CFAP299: variants seen among roughly 807,000 people sequenced by gnomAD.
CFAP299 encodes cilia and flagella associated protein 299, also known as cilia- and flagella-associated protein 299.
A neutral mutation model predicts 27.0 loss-of-function variants in CFAP299; 21 were observed. The observed-to-expected ratio is 0.78, with a 90% confidence interval of 0.55 to 1.12. CFAP299 has a LOEUF of 1.12. Among genes scored for constraint, CFAP299 ranks in the 50% most tolerant of loss-of-function variants. The pLI, the probability that CFAP299 is intolerant of heterozygous loss-of-function variation, is 0.00. For synonymous variants in CFAP299, 104 were observed against 98.1 expected (o/e 1.06, Z -0.36); for missense variants, 310 against 276.6 (o/e 1.12, Z -0.86).
At chr4:80,875,458 G>A (rs1037919724) in intron 4 of CFAP299, among the ~76,000 whole-genome samples, 4 of 151,998 alleles carry the variant, frequency 2.6e-5, no homozygotes, top group East Asian at 1.9e-4. Flanking sequence ...TCAAGAGTTC[G>A]AGACCACCCT....
chr4:80,775,691 G>T (rs548615608), intron 3 of CFAP299, among the ~76,000 whole-genome samples: 8 of 151,944 alleles, frequency 5.3e-5, no homozygotes, highest in Admixed American at 2.0e-4. Context: ...TTGTAAAAAG[G>T]CTTAAAATCT....
chr4:80,944,683 A>G, intron 4 of CFAP299, 127 bp from the exon 5 acceptor site: 1 of 661,536 alleles, frequency 1.5e-6, no homozygotes, highest in Non-Finnish European at 2.6e-6. Flanking sequence ...AATGTGTTCT[A>G]CATGGTTGTA....
chr4:80,909,848 C>T (rs913367889), intron 4 of CFAP299, among the ~76,000 whole-genome samples: 5 of 152,006 alleles, frequency 3.3e-5, no homozygotes, highest in Non-Finnish European at 7.4e-5. Flanking sequence ...CTGAAACAAG[C>T]TTGCAACAAA....
At chr4:80,677,096 C>A (rs935570324) in intron 3 of CFAP299, among the ~76,000 whole-genome samples, 1 of 151,590 alleles carries the variant, frequency 6.6e-6, no homozygotes, top group African/African-American at 2.4e-5. Flanking sequence ...TATAAACTTC[C>A]CTCTTAGCAC....
intron 3 of CFAP299, among the ~76,000 whole-genome samples, chr4:80,770,482 T>C (rs1190235068): frequency 2.0e-5 from 3 of 152,188 alleles, no homozygotes; most frequent in African/African-American, 7.2e-5. Context: ...CATTCTGCCA[T>C]TACATAACAG....
chr4:80,399,622 A>G (rs528821688), intron 2 of CFAP299, among the ~76,000 whole-genome samples: 18 of 147,672 alleles, frequency 1.2e-4, no homozygotes, highest in Admixed American at 1.1e-3. Flanking sequence ...GTTCTCACTC[A>G]TAGGTGGGAA....
chr4:80,786,063 C>T (rs1301430101), intron 3 of CFAP299, among the ~76,000 whole-genome samples: 2 of 152,038 alleles, frequency 1.3e-5, no homozygotes, highest in Non-Finnish European at 2.9e-5. Flanking sequence ...AGAAATCTTG[C>T]AATTTGAAAT....
chr4:80,691,609 A>G (rs1164838873), intron 3 of CFAP299, among the ~76,000 whole-genome samples: 1 of 151,372 alleles, frequency 6.6e-6, no homozygotes, highest in Non-Finnish European at 1.5e-5. Flanking sequence ...CAAAAACTGG[A>G]AGCATTCCCT....
intron 2 of CFAP299, among the ~76,000 whole-genome samples, chr4:80,453,207 A>T (rs1728981797): frequency 6.6e-6 from 1 of 152,162 alleles, no homozygotes; most frequent in African/African-American, 2.4e-5. Flanking sequence ...TTTATATTTA[A>T]GGAAAGTTTT....
At chr4:80,725,598 CT>C (rs1578062475) in intron 3 of CFAP299, among the ~76,000 whole-genome samples, 1 of 152,176 alleles carries the variant, frequency 6.6e-6, no homozygotes, top group East Asian at 1.9e-4. Flanking sequence ...CAGATTCTTT[CT>C]CTTCACAGGT....
At chr4:80,910,644 G>A (rs1262545791) in intron 4 of CFAP299, among the ~76,000 whole-genome samples, 2 of 152,020 alleles carry the variant, frequency 1.3e-5, no homozygotes, top group Non-Finnish European at 2.9e-5. Flanking sequence ...GACACAAAGA[G>A]GACAACAATA....
intron 3 of CFAP299, among the ~76,000 whole-genome samples, chr4:80,621,003 C>T (rs999731634): frequency 2.6e-5 from 4 of 152,072 alleles, no homozygotes; most frequent in African/African-American, 9.7e-5. Flanking sequence ...ACTTACCTAA[C>T]AGCCTATCTT....
At chr4:80,642,638 C>A (rs1220810370) in intron 3 of CFAP299, among the ~76,000 whole-genome samples, 1 of 152,028 alleles carries the variant, frequency 6.6e-6, no homozygotes, top group South Asian at 2.1e-4. Context: ...GTGGCACGTG[C>A]CTATAGTCCC....
intron 3 of CFAP299, among the ~76,000 whole-genome samples, chr4:80,590,650 A>C (rs1470424564): frequency 2.6e-5 from 4 of 152,194 alleles, no homozygotes; most frequent in Non-Finnish European, 4.4e-5. Flanking sequence ...AAAACAAAAC[A>C]AAACCATGCA....
intron 2 of CFAP299, among the ~76,000 whole-genome samples, chr4:80,559,524 G>A (rs1466969561): frequency 6.6e-6 from 1 of 152,078 alleles, no homozygotes; most frequent in Admixed American, 6.6e-5. Flanking sequence ...AAAATCATGT[G>A]AGCCCTCAGT....
chr4:80,605,170 A>C lies in CFAP299; in HGVS notation c.333+21987A>C, dbSNP rs79669223. ...GTTATTTGTAATTCTACTTGCAGTC[A>C]TGCTGAAATAATTTATTCATATTTT... is the stretch of plus-strand genomic sequence containing the variant. On this transcript the variant is annotated intron_variant, in intron 3 of 5. Transcript: ENST00000358105. 5.8e-3 allele frequency among the ~76,000 whole-genome samples: 883 copies of C among 152,316 alleles called. 7 individuals carry two copies. The highest frequency in any genetic ancestry group is 0.02 in the African/African-American group (824 of 41,570).
chr4:80,558,358 G>GTTTTTTTTTTTTT (rs1174909337), intron 2 of CFAP299, among the ~76,000 whole-genome samples: 1 of 121,680 alleles, frequency 8.2e-6, no homozygotes, highest in African/African-American at 3.3e-5. Context: ...TTGTTTGTTT[G>GTTTTTTTTTTTTT]TTTGTTTGTT....
chr4:80,595,025 G>C (rs1736990318), intron 3 of CFAP299, among the ~76,000 whole-genome samples: 1 of 152,034 alleles, frequency 6.6e-6, no homozygotes, highest in South Asian at 2.1e-4. Flanking sequence ...TTCTCCCCAG[G>C]GACTTAGTTC....
At chr4:80,835,257 G>A (rs140458024) in intron 3 of CFAP299, among the ~76,000 whole-genome samples, 3 of 151,874 alleles carry the variant, frequency 2.0e-5, no homozygotes, top group Admixed American at 6.6e-5. Flanking sequence ...CCGTCACCAC[G>A]CCTGGCTAAT....
Sources: gnomAD v4.1 joint callset for allele counts (sites outside exome capture counted in the v4.1 genomes callset) on GRCh38, gnomAD v4.1.1 for gene constraint, MANE v1.5 for transcripts, NCBI Gene and HGNC (gene_info 2026-07-23, HGNC 2026-07-21) for gene names.